SORBS2: variants seen among roughly 807,000 people sequenced by gnomAD.
SORBS2 encodes sorbin and SH3 domain containing 2.
In SORBS2, 46 loss-of-function variants were observed where a neutral mutation model predicts 97.7. That is an observed-to-expected ratio of 0.47 (90% CI 0.37 to 0.60). SORBS2 has a LOEUF of 0.60. SORBS2 is among the 20% of genes least tolerant of loss of function. The pLI is 0.00. For synonymous variants in SORBS2, 476 were observed against 473.4 expected (o/e 1.01, Z -0.07); for missense variants, 1,316 against 1,282.3 (o/e 1.03, Z -0.40).
intron 7 of SORBS2, 31 bp downstream of exon 19, chr4:185,622,883 C>T (rs1242235149): frequency 6.4e-7 from 1 of 1,551,586 alleles, no homozygotes; most frequent in Admixed American, 1.9e-5. Flanking sequence ...GTCTCTGAAC[C>T]ACAAGGAAAA....
At chr4:185,767,576 A>C (rs1237751260) in intron 2 of SORBS2, among the ~76,000 whole-genome samples, 1 of 151,852 alleles carries the variant, frequency 6.6e-6, no homozygotes, top group Non-Finnish European at 1.5e-5. Flanking sequence ...ACAACCTTTC[A>C]TCTCTGATAA....
At chr4:185,783,828 G>C (rs184559831) in intron 1 of SORBS2, among the ~76,000 whole-genome samples, 1 of 152,150 alleles carries the variant, frequency 6.6e-6, no homozygotes, top group Non-Finnish European at 1.5e-5. Context: ...GAATTCCTTC[G>C]AGGATCATTT....
At chr4:185,696,284 T>C (rs2098173941) in intron 2 of SORBS2, among the ~76,000 whole-genome samples, 1 of 152,222 alleles carries the variant, frequency 6.6e-6, no homozygotes, top group Non-Finnish European at 1.5e-5. Context: ...GACTTTACAA[T>C]GTAAGCTGTT....
intron 2 of SORBS2, among the ~76,000 whole-genome samples, chr4:185,711,145 T>A (rs902105602): frequency 2.4e-4 from 3 of 12,596 alleles, no homozygotes; most frequent in Non-Finnish European, 5.9e-4. Context: ...AATCTTTTCA[T>A]TTTTTTTTTG....
chr4:185,678,815 A>G, exon 3 of SORBS2: 1 of 1,462,782 alleles, frequency 6.8e-7, no homozygotes, highest in Non-Finnish European at 9.1e-7. Flanking sequence ...GTGACTGAGA[A>G]TCACGCCCTG....
At chr4:185,836,982 CA>C (rs1453656867) in intron 1 of SORBS2, among the ~76,000 whole-genome samples, 1 of 152,146 alleles carries the variant, frequency 6.6e-6, no homozygotes, top group African/African-American at 2.4e-5. Context: ...TTTCTGTTCA[CA>C]CAGCACTTGA....
At chr4:185,681,076 T>C (rs113103013) in intron 2 of SORBS2, among the ~76,000 whole-genome samples, 1 of 152,138 alleles carries the variant, frequency 6.6e-6, no homozygotes, top group South Asian at 2.1e-4. Context: ...AAGGAGAAAA[T>C]GGCCATTGAG....
chr4:185,699,447 A>G (rs1047871263), intron 2 of SORBS2, among the ~76,000 whole-genome samples: 2 of 151,890 alleles, frequency 1.3e-5, no homozygotes, highest in East Asian at 1.9e-4. Flanking sequence ...CCATCATGCC[A>G]GGCTAATTGT....
intron 2 of SORBS2, among the ~76,000 whole-genome samples, chr4:185,687,156 T>C (rs2097980866): frequency 6.6e-6 from 1 of 152,146 alleles, no homozygotes; most frequent in African/African-American, 2.4e-5. Context: ...GCTTCCCTCA[T>C]AGCTGGGATT....
chr4:185,618,441 G>T, intron 9 of SORBS2, 144 bp downstream of exon 21: 1 of 425,558 alleles, frequency 2.3e-6, no homozygotes, highest in Non-Finnish European at 4.3e-6. Flanking sequence ...AGGTAATTCT[G>T]AAGGAACCAT....
At chr4:185,745,977 C>G (rs1427602475) in intron 2 of SORBS2, among the ~76,000 whole-genome samples, 2 of 152,186 alleles carry the variant, frequency 1.3e-5, no homozygotes, top group African/African-American at 4.8e-5. Context: ...AGTCCTAACT[C>G]TATCCTCCCA....
At chr4:185,828,807 G>A (rs1301526291) in intron 1 of SORBS2, among the ~76,000 whole-genome samples, 1 of 152,102 alleles carries the variant, frequency 6.6e-6, no homozygotes. Flanking sequence ...TGCAGGTCAG[G>A]CGATTCAAGT....
rs1439466849 is a variant in SORBS2 at position 185,869,719 on chromosome 4, T to A, written c.-338+86477A>T. On this transcript the variant is annotated intron_variant, in intron 1 of 20. Coordinates refer to the SORBS2 transcript ENST00000284776. ...GGAAATTTGAGTTTGGGTAGGCAAG[T>A]GGAGTGTCTGCCAGAGTCACCAGGC... Among the ~76,000 whole-genome samples, 4 of 152,290 alleles carry A rather than the reference T, an allele frequency of 2.6e-5. No homozygotes were observed. The South Asian group carries it at 8.3e-4, about 32-fold the overall frequency.
At chr4:185,809,454 G>GGAAA (rs1561169566) in intron 1 of SORBS2, among the ~76,000 whole-genome samples, 2 of 3,410 alleles carry the variant, frequency 5.9e-4, no homozygotes, top group Non-Finnish European at 1.0e-3. Flanking sequence ...CACTGCATTT[G>GGAAA]CAAAAAAAAA....
At chr4:185,741,402 T>TTC (rs2098724959) in intron 2 of SORBS2, among the ~76,000 whole-genome samples, 4 of 114,150 alleles carry the variant, frequency 3.5e-5, no homozygotes, top group African/African-American at 1.4e-4. Context: ...TCTTTTTTTT[T>TTC]TGTTTTTTTT....
At chr4:185,661,376 C>T (rs777781130), upstream of SORBS2, among the ~76,000 whole-genome samples, 18 of 152,016 alleles carry the variant, frequency 1.2e-4, no homozygotes, top group Admixed American at 4.6e-4. Context: ...AAGCTTCTTT[C>T]ACAGGAGGCC....
intron 1 of SORBS2, among the ~76,000 whole-genome samples, chr4:185,780,960 T>C (rs2099025628): frequency 6.6e-6 from 1 of 152,222 alleles, no homozygotes; most frequent in Admixed American, 6.5e-5. Flanking sequence ...ATTTTTGAGA[T>C]GGAGTTTCAC....
At chr4:185,862,136 TG>T (rs1242922257) in intron 1 of SORBS2, among the ~76,000 whole-genome samples, 1 of 150,926 alleles carries the variant, frequency 6.6e-6, no homozygotes, top group East Asian at 1.9e-4. Context: ...TGTATGTATA[TG>T]TGTGTGTGTG....
chr4:185,681,914 C>T (rs2097874714), intron 2 of SORBS2, among the ~76,000 whole-genome samples: 1 of 152,126 alleles, frequency 6.6e-6, no homozygotes, highest in Non-Finnish European at 1.5e-5. Context: ...CTGATATGCT[C>T]TATTGACACT....
Sources: allele counts gnomAD v4.1 joint callset (sites outside exome capture counted in the v4.1 genomes callset), GRCh38; gene constraint gnomAD v4.1.1; transcripts MANE v1.5; gene names NCBI Gene and HGNC (gene_info 2026-07-23, HGNC 2026-07-21).